RANBP17: variants seen among roughly 807,000 people sequenced by gnomAD.
The protein encoded by RANBP17 is ran-binding protein 17.
In RANBP17, 158 loss-of-function variants were observed where a neutral mutation model predicts 141.2. The ratio of observed to expected loss-of-function variants is 1.12; its 90% confidence interval spans 0.98 to 1.28. The LOEUF (loss-of-function observed/expected upper bound fraction) is 1.28, where lower values mean the gene tolerates loss of function less well. RANBP17 is among the 50% of genes most tolerant of loss of function. The pLI is 0.00. For missense variants in RANBP17, 1,438 were observed against 1,290.7 expected, an observed-to-expected ratio of 1.11 and a Z score of -1.75; for synonymous variants, 430 against 450.0, an observed-to-expected ratio of 0.96 and a Z score of 0.56.
At chr5:171,024,511 A>C (rs1211277870) in intron 14 of RANBP17, among the ~76,000 whole-genome samples, 10 of 152,200 alleles carry the variant, frequency 6.6e-5, no homozygotes, top group Non-Finnish European at 1.5e-5. Flanking sequence ...CCAATCCTTA[A>C]CATAAAAGAA....
At chr5:171,171,458 A>G (rs1760093478) in intron 16 of RANBP17, among the ~76,000 whole-genome samples, 172 bp downstream of exon 16, 1 of 152,074 alleles carries the variant, frequency 6.6e-6, no homozygotes. Context: ...AATTAGCTGT[A>G]TACTATGAAG....
At chr5:170,891,068 C>G (rs373345292) in intron 3 of RANBP17, among the ~76,000 whole-genome samples, 5 of 152,136 alleles carry the variant, frequency 3.3e-5, no homozygotes, top group Admixed American at 6.5e-5. Flanking sequence ...TGTATAGTCA[C>G]TTTTGCTATA....
chr5:171,195,802 T>C (rs1761947211), intron 18 of RANBP17, among the ~76,000 whole-genome samples: 1 of 152,220 alleles, frequency 6.6e-6, no homozygotes, highest in African/African-American at 2.4e-5. Context: ...TTTGAGTCTC[T>C]CTGCTCACAT....
chr5:170,899,873 A>G (rs750239224), intron 5 of RANBP17, among the ~76,000 whole-genome samples: 7 of 152,194 alleles, frequency 4.6e-5, no homozygotes, highest in Non-Finnish European at 7.4e-5. Context: ...AGCCGACTTG[A>G]TCATGGTAGA....
intron 14 of RANBP17, among the ~76,000 whole-genome samples, chr5:171,035,534 A>G (rs1781816391): frequency 6.8e-6 from 1 of 148,146 alleles, no homozygotes; most frequent in South Asian, 2.1e-4. Flanking sequence ...GGAGGTCTAG[A>G]GTTTTTTTTT....
At chr5:171,102,491 C>A (rs142663136) in intron 14 of RANBP17, among the ~76,000 whole-genome samples, 73 of 152,134 alleles carry the variant, frequency 4.8e-4, no homozygotes, top group African/African-American at 1.7e-3. Flanking sequence ...TTAGCAATTC[C>A]TCTAACCTTT....
At chr5:170,874,332 A>C (rs930870507) in intron 1 of RANBP17, among the ~76,000 whole-genome samples, 1 of 152,198 alleles carries the variant, frequency 6.6e-6, no homozygotes, top group African/African-American at 2.4e-5. Flanking sequence ...AGTTCTGTAG[A>C]TATCTATCAG....
chr5:170,905,926 T>A (rs1462687075), intron 5 of RANBP17, among the ~76,000 whole-genome samples: 1 of 152,122 alleles, frequency 6.6e-6, no homozygotes, highest in East Asian at 1.9e-4. Context: ...AATGTGAAGT[T>A]CTGGTAAATG....
At chr5:171,288,634 G>A (rs2128042104) in intron 25 of RANBP17, among the ~76,000 whole-genome samples, 1 of 152,308 alleles carries the variant, frequency 6.6e-6, no homozygotes, top group African/African-American at 2.4e-5. Flanking sequence ...TATAAAACGG[G>A]AATAATATCT....
intron 14 of RANBP17, among the ~76,000 whole-genome samples, chr5:171,005,108 T>G (rs1561978003): frequency 6.6e-6 from 1 of 152,152 alleles, no homozygotes; most frequent in Non-Finnish European, 1.5e-5. Context: ...AGGAGCTGAC[T>G]GGGTGATAAA....
intron 14 of RANBP17, among the ~76,000 whole-genome samples, chr5:170,985,050 GACAC>G (rs10540039): frequency 4.0e-4 from 59 of 146,104 alleles, no homozygotes; most frequent in Admixed American, 8.0e-4. Context: ...GGCACACACA[GACAC>G]ACACAGACAC....
At chr5:171,067,873 A>T (rs1784401399) in intron 14 of RANBP17, among the ~76,000 whole-genome samples, 3 of 147,346 alleles carry the variant, frequency 2.0e-5, no homozygotes, top group African/African-American at 7.5e-5. Flanking sequence ...CTTTTAATTT[A>T]TTCTGCTTCA....
At chr5:171,269,060 G>A (rs987060160) in intron 25 of RANBP17, among the ~76,000 whole-genome samples, 3 of 152,176 alleles carry the variant, frequency 2.0e-5, no homozygotes, top group African/African-American at 7.2e-5. Context: ...TATTTGGAAT[G>A]TAGGCTTTCA....
At chr5:171,088,601 A>G (rs1157543286) in intron 14 of RANBP17, among the ~76,000 whole-genome samples, 2 of 152,200 alleles carry the variant, frequency 1.3e-5, no homozygotes, top group Non-Finnish European at 2.9e-5. Context: ...CAGGTACACC[A>G]ATCAGACGTA....
At chr5:170,896,283 G>T in intron 5 of RANBP17, 168 bp downstream of exon 5, 2 of 571,572 alleles carry the variant, frequency 3.5e-6, no homozygotes, top group South Asian at 2.4e-5. Context: ...TAATTAAGTG[G>T]TGGAATATTT....
chr5:171,119,579 G>A (rs1324585190), intron 14 of RANBP17, among the ~76,000 whole-genome samples: 2 of 152,150 alleles, frequency 1.3e-5, no homozygotes, highest in Admixed American at 1.3e-4. Context: ...AGATCTTAGA[G>A]GAAAGTCTTT....
chr5:171,129,687 A>C (rs75111132), intron 14 of RANBP17, among the ~76,000 whole-genome samples: 3,026 of 152,320 alleles, frequency 0.02, 96 homozygotes, highest in African/African-American at 0.068. Flanking sequence ...GAAATAAATT[A>C]GTATGAAATT....
intron 18 of RANBP17, among the ~76,000 whole-genome samples, chr5:171,195,400 T>C (rs1761916246): frequency 6.6e-6 from 1 of 152,224 alleles, no homozygotes; most frequent in Non-Finnish European, 1.5e-5. Context: ...GTAAAAGTTG[T>C]TTGCATGATA....
chr5:171,090,066 T>C (rs1262259350), intron 14 of RANBP17, among the ~76,000 whole-genome samples: 2 of 152,012 alleles, frequency 1.3e-5, no homozygotes, highest in Non-Finnish European at 2.9e-5. Flanking sequence ...GACCCGAAAA[T>C]ATGGAAGCAA....
Sources: allele counts gnomAD v4.1 joint callset (sites outside exome capture counted in the v4.1 genomes callset), GRCh38; gene constraint gnomAD v4.1.1; transcripts MANE v1.5; gene names NCBI Gene and HGNC (gene_info 2026-07-23, HGNC 2026-07-21).